The following POU2F2 variants were observed in gnomAD, a reference collection of about 807,000 sequenced individuals.
POU2F2 encodes POU class 2 homeobox 2.
Under a neutral mutation model 63.5 loss-of-function variants are expected in POU2F2, and 14 were observed. The ratio of observed to expected loss-of-function variants is 0.22; its 90% confidence interval spans 0.15 to 0.34. The LOEUF (loss-of-function observed/expected upper bound fraction) is 0.34. Ranked by LOEUF, POU2F2 falls within the 10% of genes least tolerant of loss-of-function variation. POU2F2 has a pLI of 1.00. For synonymous variants in POU2F2, 306 were observed against 348.6 expected, an observed-to-expected ratio of 0.88 and a Z score of 1.36; for missense variants, 607 against 815.2, an observed-to-expected ratio of 0.74 and a Z score of 3.11.
chr19:42,165,026 C>A (rs2034623823), intron 1 of POU2F2, among the ~76,000 whole-genome samples: 1 of 151,332 alleles, frequency 6.6e-6, no homozygotes, highest in Admixed American at 6.6e-5. Context: ...TTATCATGGT[C>A]ATTTTCTTCT....
intron 7 of POU2F2, among the ~76,000 whole-genome samples, chr19:42,097,582 G>C (rs965656455): frequency 6.6e-6 from 1 of 151,908 alleles, no homozygotes; most frequent in African/African-American, 2.4e-5. Flanking sequence ...AGCCAAAGTG[G>C]GAGGATCGCT....
chr19:42,142,611 G>C (rs1227248785), intron 2 of POU2F2, among the ~76,000 whole-genome samples: 2 of 151,984 alleles, frequency 1.3e-5, no homozygotes, highest in East Asian at 3.9e-4. Flanking sequence ...TGTCAACCAG[G>C]CTGGAGTACA....
chr19:42,193,325 G>C (rs2035095017), intron 1 of POU2F2, among the ~76,000 whole-genome samples: 1 of 152,166 alleles, frequency 6.6e-6, no homozygotes, highest in African/African-American at 2.4e-5. Flanking sequence ...GGACTTTGCA[G>C]ATGTAATTAA....
At chr19:42,173,537 G>A (rs1034074197) in intron 1 of POU2F2, among the ~76,000 whole-genome samples, 16 of 151,228 alleles carry the variant, frequency 1.1e-4, no homozygotes, top group Non-Finnish European at 1.5e-4. Context: ...GTGGCCTGGA[G>A]TGGCCACTGA....
At position 42,161,051 on chromosome 19, in the gene POU2F2, C is replaced by T. The variant is rs555675679; in HGVS notation, c.-69-659G>A. The stretch of plus-strand genomic sequence containing the variant: ...ATTAGACAAGGTCTCTGCTCTATTA[C>T]GGGGCTCACAGGCAAGTTGAGGAGA... On this transcript the variant is annotated intron_variant, in intron 1 of 6. Transcript: ENST00000524801. Among the ~76,000 whole-genome samples the T allele has an allele frequency of 3.0e-3, 455 of 152,194 alleles. 1 individual carries two copies. Among genetic ancestry groups the T allele is most frequent in the Non-Finnish European group, 4.6e-3 (315 of 68,002 alleles).
chr19:42,183,891 G>T (rs1183242961), intron 1 of POU2F2, among the ~76,000 whole-genome samples: 3 of 152,026 alleles, frequency 2.0e-5, no homozygotes, highest in East Asian at 1.9e-4. Context: ...AGAAAATCAG[G>T]GTTCAAAATA....
At position 42,096,155 on chromosome 19, in the gene POU2F2, G is replaced by C. The variant is rs1200075126; in HGVS notation, c.656C>G (p.Pro219Arg). The C allele has an allele frequency of 6.2e-7, 1 of 1,613,644 alleles. No individual in the cohort carries two copies. Among genetic ancestry groups the C allele is most frequent in the Admixed American group, 1.7e-5 (1 of 59,992 alleles). ...CLEPPSHPEE[P>R]SDLEELEQFA... is the part of the protein sequence containing the mutation. Reference sequence around the variant, plus strand: ...TTGCTCCAGCTCCTCCAGATCACTGGGCTCCTCGGGGTGGGATGGTGGCTC... The same window carrying C: ...TTGCTCCAGCTCCTCCAGATCACTGCGCTCCTCGGGGTGGGATGGTGGCTC... The change falls in exon 8 of 15, where the codon CCC (proline) becomes CGC (arginine). Residue 219 changes from proline (P) to arginine (R), a missense_variant. Transcript: ENST00000692977. The surrounding 1 kb of genome is among the most constrained non-coding windows in gnomAD (Gnocchi z 4.1).
intron 1 of POU2F2, among the ~76,000 whole-genome samples, chr19:42,160,863 G>T (rs1455988178): frequency 6.6e-6 from 1 of 152,136 alleles, no homozygotes; most frequent in Non-Finnish European, 1.5e-5. Context: ...ATTTGAAAAG[G>T]TTACTCATTA....
At chr19:42,167,310 T>G (rs2034671907) in intron 1 of POU2F2, among the ~76,000 whole-genome samples, 1 of 151,726 alleles carries the variant, frequency 6.6e-6, no homozygotes, top group South Asian at 2.1e-4. Flanking sequence ...AAAAATTAGG[T>G]AGGCATGGTG....
chr19:42,194,295 T>C (rs535766883), intron 1 of POU2F2, among the ~76,000 whole-genome samples: 31 of 151,990 alleles, frequency 2.0e-4, no homozygotes, highest in African/African-American at 7.2e-4. Flanking sequence ...CTGAGGTGGA[T>C]TGCTTGAGCC....
intron 7 of POU2F2, among the ~76,000 whole-genome samples, chr19:42,097,192 G>GTTTTTTTTTTTTTTTTTTTTTTTTTTT (rs778449653): frequency 8.5e-6 from 1 of 117,752 alleles, no homozygotes; most frequent in Non-Finnish European, 1.8e-5. Flanking sequence ...GAATTTTTCA[G>GTTTTTTTTTTTTTTTTTTTTTTTTTTT]TTTTTTTTTT....
At chr19:42,116,879 C>T (rs762509729) in intron 5 of POU2F2, 47 of 418,634 alleles carry the variant, frequency 1.1e-4, no homozygotes, top group South Asian at 1.8e-4. Context: ...GAGGCGGAGG[C>T]GGCGGCGGCG....
In POU2F2 at chr19:42,125,215, C is replaced by T. The variant is rs150657533; in HGVS notation, c.29-2639G>A. 2.6e-5 allele frequency among the ~76,000 whole-genome samples: 4 copies of T among 151,894 alleles called. No homozygotes were observed. The East Asian group carries it at 7.7e-4, about 29-fold the overall frequency. On this transcript the variant is annotated intron_variant, in intron 1 of 14. Coordinates refer to ENST00000692977, the MANE Select transcript of POU2F2 (RefSeq NM_001394376.1). Reference sequence around the variant, plus strand: ...CTCTCCAAAAAATAAAAAAGTTAACCGGACATGATGGTGGTGGGCACCTAC... The same window carrying T: ...CTCTCCAAAAAATAAAAAAGTTAACTGGACATGATGGTGGTGGGCACCTAC...
At chr19:42,188,753 G>GAGGA (rs1178841408) in intron 1 of POU2F2, among the ~76,000 whole-genome samples, 1 of 133,268 alleles carries the variant, frequency 7.5e-6, no homozygotes, top group Admixed American at 7.6e-5. Flanking sequence ...GGGAGGGAAG[G>GAGGA]AGGAAGGAAG....
At chr19:42,116,107 T>C (rs138064618) in intron 5 of POU2F2, among the ~76,000 whole-genome samples, 95 of 152,318 alleles carry the variant, frequency 6.2e-4, no homozygotes, top group African/African-American at 2.2e-3. Flanking sequence ...GGAGACAATA[T>C]GTTTCTGTTG....
intron 1 of POU2F2, among the ~76,000 whole-genome samples, chr19:42,188,909 A>G (rs1369793062): frequency 8.5e-6 from 1 of 117,828 alleles, no homozygotes; most frequent in Non-Finnish European, 1.6e-5. Context: ...AGAAGAGAGG[A>G]AGGAAGGAAG....
intron 2 of POU2F2, among the ~76,000 whole-genome samples, chr19:42,147,248 T>C (rs983466910): frequency 1.3e-5 from 2 of 152,184 alleles, no homozygotes; most frequent in African/African-American, 4.8e-5. Context: ...CTCCAAGCCA[T>C]GCTGTCTCCT....
chr19:42,145,462 C>T (rs902818556), intron 2 of POU2F2, among the ~76,000 whole-genome samples: 3 of 152,212 alleles, frequency 2.0e-5, no homozygotes, highest in African/African-American at 4.8e-5. Context: ...TTTAACTTAA[C>T]GGAACTGTAT....
chr19:42,132,352 C>G (rs1458676942), intron 1 of POU2F2, 32 bp downstream of exon 1: 1 of 1,583,618 alleles, frequency 6.3e-7, no homozygotes, highest in Non-Finnish European at 8.6e-7. Context: ...TGCCTGTCCT[C>G]TGAGCAGTGG....
Sources: allele counts gnomAD v4.1 joint callset (sites outside exome capture counted in the v4.1 genomes callset), GRCh38; gene constraint gnomAD v4.1.1; non-coding constraint Gnocchi (gnomAD v3.1); transcripts MANE v1.5; gene names NCBI Gene and HGNC (gene_info 2026-07-23, HGNC 2026-07-21).